The following PTPRD variants were observed in gnomAD, a reference collection of about 807,000 sequenced individuals.
PTPRD encodes the protein receptor-type tyrosine-protein phosphatase delta.
Under a neutral mutation model 214.5 loss-of-function variants are expected in PTPRD, and 34 were observed. The ratio of observed to expected loss-of-function variants is 0.16; its 90% CI spans 0.12 to 0.21. The LOEUF is 0.21. PTPRD is among the 10% of genes least tolerant of loss of function. PTPRD has a pLI of 1.00. For synonymous variants in PTPRD, 1,128 were observed against 845.7 expected, an observed-to-expected ratio of 1.33 and a Z score of -5.79; for missense variants, 2,545 against 2,398.7, an observed-to-expected ratio of 1.06 and a Z score of -1.27.
chr9:10,310,575 A>G (rs1259377317), intron 3 of PTPRD, among the ~76,000 whole-genome samples: 1 of 138,248 alleles, frequency 7.2e-6, no homozygotes, highest in African/African-American at 3.5e-5. Context: ...TGAGAGTTAG[A>G]AAAAAAAATG....
At chr9:9,401,236 C>T (rs1429646964) in intron 8 of PTPRD, among the ~76,000 whole-genome samples, 1 of 152,034 alleles carries the variant, frequency 6.6e-6, no homozygotes, top group Non-Finnish European at 1.5e-5. Context: ...CACTGAAATA[C>T]ATACATGCAT....
At chr9:10,011,959 G>C (rs1195553220) in intron 4 of PTPRD, among the ~76,000 whole-genome samples, 2 of 151,772 alleles carry the variant, frequency 1.3e-5, no homozygotes, top group Non-Finnish European at 2.9e-5. Flanking sequence ...GCCTTTGTAT[G>C]TTCCGGAAAC....
intron 11 of PTPRD, among the ~76,000 whole-genome samples, chr9:8,948,429 A>T (rs866631412): frequency 2.6e-4 from 5 of 18,944 alleles, no homozygotes; most frequent in Non-Finnish European, 5.2e-4. Flanking sequence ...ATATATTTAT[A>T]TATATATTTA....
intron 10 of PTPRD, among the ~76,000 whole-genome samples, chr9:9,157,394 A>G (rs2099882145): frequency 2.0e-5 from 3 of 152,118 alleles, no homozygotes; most frequent in Non-Finnish European, 2.9e-5. Flanking sequence ...ATTAATGAGG[A>G]AAAAAGAATA....
chr9:8,827,480 C>G (rs924566053), intron 11 of PTPRD, among the ~76,000 whole-genome samples: 2 of 151,816 alleles, frequency 1.3e-5, no homozygotes, highest in African/African-American at 4.8e-5. Context: ...GGTGGCGCAC[C>G]CCTGTAATTT....
At chr9:9,999,571 T>A (rs957126783) in intron 4 of PTPRD, among the ~76,000 whole-genome samples, 1 of 152,230 alleles carries the variant, frequency 6.6e-6, no homozygotes, top group African/African-American at 2.4e-5. Context: ...AAGTTTTAAA[T>A]GGAAATTATT....
chr9:9,588,533 T>C (rs936793209), intron 7 of PTPRD, among the ~76,000 whole-genome samples: 3 of 152,012 alleles, frequency 2.0e-5, no homozygotes, highest in South Asian at 2.1e-4. Context: ...AGTTTTTGAT[T>C]ACTCAGACTT....
intron 7 of PTPRD, among the ~76,000 whole-genome samples, chr9:9,623,214 G>C (rs1310247382): frequency 1.3e-5 from 2 of 151,936 alleles, no homozygotes; most frequent in Non-Finnish European, 2.9e-5. Flanking sequence ...TTTCTTACTA[G>C]CATCTCCTTT....
intron 6 of PTPRD, among the ~76,000 whole-genome samples, chr9:9,740,323 C>T (rs1436771108): frequency 6.6e-6 from 1 of 151,512 alleles, no homozygotes; most frequent in African/African-American, 2.4e-5. Context: ...TCAACAGATA[C>T]TATTATGAAG....
intron 9 of PTPRD, among the ~76,000 whole-genome samples, chr9:9,334,663 A>T (rs551609806): frequency 4.6e-5 from 7 of 152,064 alleles, no homozygotes; most frequent in Admixed American, 2.0e-4. Flanking sequence ...TACCTTTTTC[A>T]TTGGTAGATA....
intron 10 of PTPRD, among the ~76,000 whole-genome samples, chr9:9,142,887 T>C (rs2099862655): frequency 6.6e-6 from 1 of 152,162 alleles, no homozygotes; most frequent in Non-Finnish European, 1.5e-5. Context: ...TTGGGCTTCC[T>C]GGTCTTCTGG....
intron 5 of PTPRD, among the ~76,000 whole-genome samples, chr9:9,865,769 G>A (rs75519699): frequency 0.084 from 12,838 of 152,086 alleles, 1,280 homozygotes; most frequent in African/African-American, 0.25. Context: ...AGCTATCTTG[G>A]GTATTTATTA....
At chr9:10,602,274 A>T (rs10481533) in intron 2 of PTPRD, among the ~76,000 whole-genome samples, 1 of 151,742 alleles carries the variant, frequency 6.6e-6, no homozygotes, top group Non-Finnish European at 1.5e-5. Context: ...TAAAATTCAC[A>T]TAACATTTCT....
chr9:8,943,143 A>C (rs546384648), intron 11 of PTPRD, among the ~76,000 whole-genome samples: 14 of 152,176 alleles, frequency 9.2e-5, no homozygotes, highest in Non-Finnish European at 1.6e-4. Flanking sequence ...GGACACAAAA[A>C]ATGGAAAGAT....
At chr9:9,681,908 T>C (rs1025650402) in intron 7 of PTPRD, among the ~76,000 whole-genome samples, 6 of 151,860 alleles carry the variant, frequency 4.0e-5, no homozygotes, top group African/African-American at 1.4e-4. Context: ...GGAAAATCAT[T>C]TACATTTATA....
chr9:10,338,322 G>C (rs1164058859), intron 3 of PTPRD, among the ~76,000 whole-genome samples: 1 of 151,552 alleles, frequency 6.6e-6, no homozygotes, highest in African/African-American at 2.4e-5. Context: ...ACTGATTCCT[G>C]AGACAGTTGC....
At chr9:8,375,858 CAAG>C in intron 39 of PTPRD, 75 bp downstream of exon 39, 2 of 1,500,842 alleles carry the variant, frequency 1.3e-6, no homozygotes, top group Admixed American at 4.0e-5. Context: ...TCCAGAATGT[CAAG>C]AAGTTGCAGA....
chr9:8,603,468 A>T (rs1280077142), intron 14 of PTPRD, among the ~76,000 whole-genome samples: 2 of 152,176 alleles, frequency 1.3e-5, no homozygotes, highest in Non-Finnish European at 2.9e-5. Flanking sequence ...CTGGAGCTAC[A>T]TCTCCTTAAC....
chr9:9,852,128 T>C (rs936667408), intron 5 of PTPRD, among the ~76,000 whole-genome samples: 27 of 151,902 alleles, frequency 1.8e-4, no homozygotes, highest in Admixed American at 1.0e-3. Flanking sequence ...CGGAAAGAGA[T>C]AAGAAAAATT....
Sources: allele counts gnomAD v4.1 joint callset (sites outside exome capture counted in the v4.1 genomes callset), GRCh38; gene constraint gnomAD v4.1.1; transcripts MANE v1.5; gene names NCBI Gene and HGNC (gene_info 2026-07-23, HGNC 2026-07-21).